The following RELN variants were observed in gnomAD, a reference collection of about 807,000 sequenced individuals.
RELN encodes reelin.
In RELN, 108 loss-of-function variants were observed where a neutral mutation model predicts 427.6. That is an observed-to-expected ratio of 0.25 (90% CI 0.22 to 0.30). RELN has a LOEUF of 0.30. Ranked by LOEUF, RELN falls within the 10% of genes least tolerant of loss-of-function variation. RELN has a pLI of 1.00. For missense variants in RELN, 3,715 were observed against 4,302.8 expected (o/e 0.86, Z 3.82); for synonymous variants, 1,524 against 1,513.4 (o/e 1.01, Z -0.16).
intron 45 of RELN, among the ~76,000 whole-genome samples, chr7:103,536,478 G>T (rs561786774): frequency 6.6e-6 from 1 of 152,246 alleles, no homozygotes; most frequent in South Asian, 2.1e-4. Context: ...CAGAGATTCT[G>T]ATTGAACTCT....
chr7:103,823,074 A>C (rs1210158242), intron 3 of RELN, among the ~76,000 whole-genome samples: 1 of 152,020 alleles, frequency 6.6e-6, no homozygotes, highest in African/African-American at 2.4e-5. Context: ...TCTACACGCA[A>C]GTTATTTTGT....
chr7:103,879,926 T>C (rs191996429), intron 2 of RELN, among the ~76,000 whole-genome samples: 141 of 152,266 alleles, frequency 9.3e-4, no homozygotes, highest in Non-Finnish European at 1.7e-3. Flanking sequence ...AATTTTTTTT[T>C]CCCTTGGGCC....
intron 3 of RELN, among the ~76,000 whole-genome samples, chr7:103,825,059 A>G (rs915902728): frequency 6.6e-6 from 1 of 152,026 alleles, no homozygotes; most frequent in African/African-American, 2.4e-5. Flanking sequence ...AAATTTCTTT[A>G]TTATTACTAT....
intron 6 of RELN, among the ~76,000 whole-genome samples, chr7:103,748,172 T>G (rs682507): frequency 0.53 from 79,299 of 148,838 alleles, 21,342 homozygotes; most frequent in African/African-American, 0.58. Flanking sequence ...TATTAATAAA[T>G]ATTTTCAATT....
chr7:103,739,732 G>C (rs1240890080), intron 6 of RELN, among the ~76,000 whole-genome samples: 2 of 152,180 alleles, frequency 1.3e-5, no homozygotes, highest in African/African-American at 2.4e-5. Context: ...CGCTGGGGGA[G>C]TGGGGATATG....
rs1479295457 is a variant in RELN at position 103,585,689 on chromosome 7, A to G, written c.4145+3907T>C. Among the ~76,000 whole-genome samples, 6 of 152,136 alleles carry G rather than the reference A, an allele frequency of 3.9e-5. No homozygotes were observed. The South Asian group carries it at 1.2e-3, about 31-fold the overall frequency. On this transcript the variant is annotated intron_variant, in intron 28 of 64. Coordinates refer to ENST00000428762, the MANE Select transcript of RELN (RefSeq NM_005045.4). ...AGATTCCAAAAATTGATGGGTAGGG[A>G]TTCTTTCCTAACTCAATCTATAAAA... is the stretch of plus-strand genomic sequence containing the variant.
intron 51 of RELN, among the ~76,000 whole-genome samples, chr7:103,508,695 G>A (rs1029946763): frequency 6.6e-6 from 1 of 152,190 alleles, no homozygotes; most frequent in Admixed American, 6.5e-5. Flanking sequence ...ATTCAGTTAG[G>A]AAAAGAGGAA....
intron 5 of RELN, 81 bp from the exon 6 acceptor site, chr7:103,749,585 T>C (rs765851160): frequency 3.9e-4 from 393 of 1,006,238 alleles, no homozygotes; most frequent in Middle Eastern, 1.2e-3. Context: ...ACATGCTGTA[T>C]TTATGAAGAA....
At chr7:103,866,901 T>C (rs1407651153) in intron 2 of RELN, among the ~76,000 whole-genome samples, 1 of 152,088 alleles carries the variant, frequency 6.6e-6, no homozygotes, top group African/African-American at 2.4e-5. Flanking sequence ...GACACAGAAT[T>C]AGACAGTGCT....
intron 2 of RELN, among the ~76,000 whole-genome samples, chr7:103,876,882 G>T (rs761366075): frequency 3.3e-4 from 50 of 150,572 alleles, no homozygotes; most frequent in Admixed American, 8.6e-4. Context: ...TTGCTTTCTC[G>T]ATAGAGAAAA....
intron 7 of RELN, among the ~76,000 whole-genome samples, chr7:103,726,076 T>C (rs1295428513): frequency 1.3e-5 from 2 of 152,230 alleles, no homozygotes; most frequent in African/African-American, 2.4e-5. Context: ...TTAGTTCTCA[T>C]GCACAACAAT....
intron 24 of RELN, among the ~76,000 whole-genome samples, chr7:103,601,824 G>A (rs903313682): frequency 1.3e-5 from 2 of 152,180 alleles, no homozygotes; most frequent in Non-Finnish European, 2.9e-5. Context: ...TATTCCAAGA[G>A]CATCAATTTT....
Position 103,542,835 on chromosome 7 carries a change from T to C in RELN, c.6567A>G (p.Lys2189=). ...SDRFLLMSGG[K]PSRKCGILSS... is the part of the protein sequence containing the mutation. ...AAAGGATTCCACACTTTCGAGATGG[T>C]TTCCCACCACTCATTAATAAGAATC... The change falls in exon 43 of 65, where the codon AAA becomes AAG. Residue 2189 remains lysine (K), a synonymous_variant. Transcript: ENST00000428762. 1.2e-6 allele frequency: 2 copies of C among 1,614,148 alleles called. No homozygotes were observed.
intron 64 of RELN, among the ~76,000 whole-genome samples, chr7:103,475,798 G>A (rs926319358): frequency 3.3e-5 from 5 of 152,206 alleles, no homozygotes; most frequent in Non-Finnish European, 4.4e-5. Flanking sequence ...GCAGGTTGCA[G>A]ATCTTTAGTG....
intron 1 of RELN, among the ~76,000 whole-genome samples, chr7:103,925,518 G>C (rs566120815): frequency 2.0e-5 from 3 of 152,140 alleles, no homozygotes; most frequent in African/African-American, 2.4e-5. Context: ...TATGAGGCTG[G>C]ATAATACTCA....
chr7:103,740,798 T>C (rs1790625682), intron 6 of RELN, among the ~76,000 whole-genome samples: 1 of 152,248 alleles, frequency 6.6e-6, no homozygotes, highest in African/African-American at 2.4e-5. Flanking sequence ...AGTTTCTTAA[T>C]TTCTCTTTTG....
At chr7:103,562,086 G>T in intron 34 of RELN, 133 bp from the exon 35 acceptor site, 1 of 1,063,752 alleles carries the variant, frequency 9.4e-7, no homozygotes, top group East Asian at 2.6e-5. Flanking sequence ...CTTTCTTGAC[G>T]TACTTTATTT....
At chr7:103,649,911 T>C (rs908931966) in intron 16 of RELN, among the ~76,000 whole-genome samples, 1 of 151,988 alleles carries the variant, frequency 6.6e-6, no homozygotes, top group Middle Eastern at 3.2e-3. Context: ...GAAGAATGGG[T>C]CTTATTTTAA....
At chr7:103,917,347 AAAG>A (rs1216039171) in intron 1 of RELN, among the ~76,000 whole-genome samples, 162 bp from the exon 2 acceptor site, 1 of 152,186 alleles carries the variant, frequency 6.6e-6, no homozygotes, top group Non-Finnish European at 1.5e-5. Flanking sequence ...AGAGGAGAAT[AAAG>A]AAGCTCGGAA....
Sources: gnomAD v4.1 joint callset for allele counts (sites outside exome capture counted in the v4.1 genomes callset) on GRCh38, gnomAD v4.1.1 for gene constraint, MANE v1.5 for transcripts, NCBI Gene and HGNC (gene_info 2026-07-23, HGNC 2026-07-21) for gene names.